The following ZBTB20 variants were observed in gnomAD, a reference collection of about 807,000 sequenced individuals.
ZBTB20 encodes zinc finger and BTB domain containing 20, also known as zinc finger and BTB domain-containing protein 20.
ZBTB20 carries 9 observed loss-of-function variants against 56.9 expected under a neutral mutation model. That is an observed-to-expected ratio of 0.16 (90% CI 0.10 to 0.28). The LOEUF (loss-of-function observed/expected upper bound fraction) is 0.28, where lower values mean the gene tolerates loss of function less well. Among genes scored for constraint, ZBTB20 ranks in the 10% least tolerant of loss-of-function variants. ZBTB20 has a pLI of 1.00. For missense variants in ZBTB20, 655 were observed against 1,003.0 expected, an observed-to-expected ratio of 0.65 and a Z score of 4.69; for synonymous variants, 417 against 420.7, an observed-to-expected ratio of 0.99 and a Z score of 0.11.
At chr3:114,482,413 C>G (rs2041657199) in intron 7 of ZBTB20, among the ~76,000 whole-genome samples, 1 of 152,102 alleles carries the variant, frequency 6.6e-6, no homozygotes, top group African/African-American at 2.4e-5. Flanking sequence ...AGGAGACCAC[C>G]TAGCAGAATG....
chr3:114,356,819 A>G (rs1419888648), intron 10 of ZBTB20, among the ~76,000 whole-genome samples: 1 of 152,058 alleles, frequency 6.6e-6, no homozygotes, highest in East Asian at 1.9e-4. Flanking sequence ...TCCCTGCACT[A>G]TAGGAGGTAT....
At chr3:114,496,553 C>T (rs374564351) in intron 7 of ZBTB20, among the ~76,000 whole-genome samples, 1 of 152,180 alleles carries the variant, frequency 6.6e-6, no homozygotes, top group African/African-American at 2.4e-5. Context: ...CTTAAACACA[C>T]CCACGCATAT....
At chr3:114,443,635 GA>G (rs1338374352) in intron 7 of ZBTB20, among the ~76,000 whole-genome samples, 1 of 152,144 alleles carries the variant, frequency 6.6e-6, no homozygotes, top group African/African-American at 2.4e-5. Flanking sequence ...TTCATTGCAT[GA>G]GAAGACAATG....
chr3:114,529,553 T>G (rs1234183803), intron 6 of ZBTB20: 2 of 152,244 alleles, frequency 1.3e-5, no homozygotes, highest in African/African-American at 4.8e-5. Context: ...ATAGTACATT[T>G]GTTTCACTAG....
At chr3:114,618,134 T>G (rs1191309730) in intron 6 of ZBTB20, among the ~76,000 whole-genome samples, 1 of 151,490 alleles carries the variant, frequency 6.6e-6, no homozygotes, top group Non-Finnish European at 1.5e-5. Flanking sequence ...TAGTGTTGGG[T>G]ACATAATATG....
At chr3:114,374,921 C>T (rs572745281) in intron 10 of ZBTB20, among the ~76,000 whole-genome samples, 2 of 152,290 alleles carry the variant, frequency 1.3e-5, no homozygotes, top group African/African-American at 2.4e-5. Context: ...ATCAGCTTTC[C>T]GATTGGAAAC....
chr3:114,551,306 T>C (rs2110197032), intron 6 of ZBTB20, among the ~76,000 whole-genome samples: 1 of 152,346 alleles, frequency 6.6e-6, no homozygotes, highest in African/African-American at 2.4e-5. Context: ...GCCTACTGTG[T>C]CCTGTCCTAA....
intron 7 of ZBTB20, among the ~76,000 whole-genome samples, chr3:114,395,120 C>A (rs976224507): frequency 6.6e-6 from 1 of 152,094 alleles, no homozygotes; most frequent in Non-Finnish European, 1.5e-5. Flanking sequence ...TAAAATTGTT[C>A]CACTTCCCTC....
chr3:115,128,501 T>C (rs544859777), intron 1 of ZBTB20, among the ~76,000 whole-genome samples: 1 of 151,682 alleles, frequency 6.6e-6, no homozygotes, highest in Non-Finnish European at 1.5e-5. Flanking sequence ...TCGTCTCTAC[T>C]AAAAACACAA....
intron 6 of ZBTB20, among the ~76,000 whole-genome samples, chr3:114,623,154 A>G (rs762459584): frequency 6.6e-6 from 1 of 152,226 alleles, no homozygotes; most frequent in Non-Finnish European, 1.5e-5. Context: ...GAAACTAGGC[A>G]GGGACCTGAT....
At chr3:114,779,061 G>A (rs1481911564) in intron 5 of ZBTB20, among the ~76,000 whole-genome samples, 1 of 152,062 alleles carries the variant, frequency 6.6e-6, no homozygotes, top group African/African-American at 2.4e-5. Context: ...AATAATACCA[G>A]GGGGACTCAA....
intron 2 of ZBTB20, among the ~76,000 whole-genome samples, chr3:114,991,817 G>C (rs1009860049): frequency 2.6e-5 from 4 of 152,100 alleles, no homozygotes; most frequent in Non-Finnish European, 4.4e-5. Flanking sequence ...ATTTAGGATA[G>C]TTAGCTCTTC....
At chr3:114,591,446 C>T (rs999592021) in intron 6 of ZBTB20, among the ~76,000 whole-genome samples, 3 of 151,938 alleles carry the variant, frequency 2.0e-5, no homozygotes, top group Non-Finnish European at 2.9e-5. Context: ...CAAACCATCA[C>T]GGATAATGAA....
intron 6 of ZBTB20, among the ~76,000 whole-genome samples, chr3:114,504,510 A>C (rs2044375827): frequency 6.6e-6 from 1 of 152,222 alleles, no homozygotes; most frequent in African/African-American, 2.4e-5. Flanking sequence ...TCATTTATCC[A>C]ATAACTACTT....
At chr3:114,583,400 T>A (rs924008819) in intron 6 of ZBTB20, among the ~76,000 whole-genome samples, 3 of 152,162 alleles carry the variant, frequency 2.0e-5, no homozygotes, top group African/African-American at 7.2e-5. Context: ...TAAACAAAAA[T>A]AAACACAAAC....
At chr3:114,713,655 A>G (rs946633040) in intron 5 of ZBTB20, among the ~76,000 whole-genome samples, 4 of 152,178 alleles carry the variant, frequency 2.6e-5, no homozygotes, top group African/African-American at 9.7e-5. Flanking sequence ...TTCCAAAGAG[A>G]TTACAATGCC....
rs563402817 is a variant in ZBTB20, at chr3:114,669,216, C to T, written c.-295+24312G>A. Among the ~76,000 whole-genome samples the T allele has an allele frequency of 7.4e-4, 113 of 152,088 alleles. 1 individual carries two copies. Among genetic ancestry groups the T allele is most frequent in the African/African-American group, 2.6e-3 (107 of 41,504 alleles). On this transcript the variant is annotated intron_variant, in intron 6 of 11. Coordinates refer to ENST00000675478, the MANE Select transcript of ZBTB20 (RefSeq NM_001348800.3). ...CAGAACAGACATCTACCCTGCATCCCGGCAAAGAATTATCTACTCCAAAGT... is the reference window on the plus strand; with the variant it reads ...CAGAACAGACATCTACCCTGCATCCTGGCAAAGAATTATCTACTCCAAAGT...
At chr3:114,898,821 G>A (rs78241198) in intron 4 of ZBTB20, among the ~76,000 whole-genome samples, 585 of 152,172 alleles carry the variant, frequency 3.8e-3, no homozygotes, top group African/African-American at 0.013. Context: ...ACTAAATACC[G>A]ACGGAAACTC....
intron 3 of ZBTB20, among the ~76,000 whole-genome samples, chr3:114,919,027 A>G (rs899104570): frequency 1.3e-5 from 2 of 152,216 alleles, no homozygotes; most frequent in Non-Finnish European, 1.5e-5. Flanking sequence ...AAGTTTGTTG[A>G]TACTTGAGTT....
Sources: gnomAD v4.1 joint callset for allele counts (sites outside exome capture counted in the v4.1 genomes callset) on GRCh38, gnomAD v4.1.1 for gene constraint, MANE v1.5 for transcripts, NCBI Gene and HGNC (gene_info 2026-07-23, HGNC 2026-07-21) for gene names.